Variants in ESRRG observed in about 807,000 individuals in gnomAD.
The protein encoded by ESRRG is estrogen related receptor gamma.
A neutral mutation model predicts 44.0 loss-of-function variants in ESRRG; 13 were observed. The observed-to-expected ratio is 0.30, with a 90% CI of 0.19 to 0.47. ESRRG has a LOEUF of 0.47. Ranked by LOEUF, ESRRG falls within the 20% of genes least tolerant of loss-of-function variation. ESRRG has a pLI of 1.00. For missense variants in ESRRG, 395 were observed against 580.6 expected (o/e 0.68, Z 3.29); for synonymous variants, 215 against 214.6 (o/e 1.00, Z -0.02).
intron 1 of ESRRG, among the ~76,000 whole-genome samples, chr1:217,008,372 A>G (rs1235316813): frequency 6.6e-6 from 1 of 152,240 alleles, no homozygotes; most frequent in Non-Finnish European, 1.5e-5. Flanking sequence ...TATATGCTCA[A>G]CGAAAGTATA....
intron 2 of ESRRG, among the ~76,000 whole-genome samples, chr1:216,759,779 T>A (rs966332464): frequency 1.3e-5 from 2 of 152,144 alleles, no homozygotes; most frequent in African/African-American, 4.8e-5. Flanking sequence ...TTGAAGAGAA[T>A]CTGAAGGTCA....
intron 1 of ESRRG, among the ~76,000 whole-genome samples, chr1:217,028,311 C>T (rs1193515258): frequency 1.3e-5 from 2 of 152,150 alleles, no homozygotes; most frequent in Non-Finnish European, 1.5e-5. Flanking sequence ...AGAAGATGCT[C>T]CTGCTGAAAA....
intron 1 of ESRRG, among the ~76,000 whole-genome samples, chr1:217,007,844 G>A (rs2077976057): frequency 6.6e-6 from 1 of 151,104 alleles, no homozygotes; most frequent in Admixed American, 6.6e-5. Flanking sequence ...CAAATAAGGG[G>A]GGAAAAATCC....
Position 217,137,065 on chromosome 1 carries a change from T to TG in ESRRG, c.-230+601dup, listed in dbSNP as rs560585665. ...CCGTGGGCCTAAAGCGACTAGTAGCTGGGGGGGAGGGAGCCGGAGGACAGT... is the reference window on the plus strand; with the variant it reads ...CCGTGGGCCTAAAGCGACTAGTAGCTGGGGGGGGAGGGAGCCGGAGGACAGT... On this transcript the variant is annotated intron_variant, in intron 1 of 8. Coordinates refer to the ESRRG transcript ENST00000366940. Among the ~76,000 whole-genome samples, 802 of 152,118 alleles carry TG rather than the reference T, an allele frequency of 5.3e-3. 7 individuals carry two copies. Among genetic ancestry groups the TG allele is most frequent in the Middle Eastern group, 0.034 (10 of 294 alleles).
At chr1:216,658,858 G>C (rs1397822244) in intron 2 of ESRRG, among the ~76,000 whole-genome samples, 1 of 27,142 alleles carries the variant, frequency 3.7e-5, no homozygotes, top group Non-Finnish European at 1.1e-4. Context: ...AAGAAGAGAA[G>C]AGAAGAGAAG....
intron 2 of ESRRG, among the ~76,000 whole-genome samples, chr1:216,741,156 A>G (rs900680916): frequency 6.7e-6 from 1 of 149,556 alleles, no homozygotes; most frequent in Non-Finnish European, 1.5e-5. Context: ...CAGAGGATTG[A>G]AAGCTCTTTG....
intron 5 of ESRRG, among the ~76,000 whole-genome samples, chr1:216,556,911 G>A (rs1010089718): frequency 1.3e-5 from 2 of 152,180 alleles, no homozygotes; most frequent in Non-Finnish European, 2.9e-5. Flanking sequence ...AAGGCAAGAA[G>A]GAGAGAGGAG....
intron 5 of ESRRG, among the ~76,000 whole-genome samples, chr1:216,552,717 A>C (rs1178969739): frequency 6.6e-6 from 1 of 152,146 alleles, no homozygotes; most frequent in African/African-American, 2.4e-5. Context: ...AAGGTCTAGC[A>C]AATTATCTCC....
intron 2 of ESRRG, among the ~76,000 whole-genome samples, chr1:216,758,798 CAA>C (rs1335916056): frequency 3.3e-5 from 5 of 151,826 alleles, no homozygotes. Context: ...TATGTACTCC[CAA>C]AAGAGTCTGA....
intron 3 of ESRRG, among the ~76,000 whole-genome samples, chr1:216,575,539 G>A (rs11572755): frequency 0.016 from 2,416 of 152,140 alleles, 77 homozygotes; most frequent in African/African-American, 0.055. Flanking sequence ...GCTAGGCAAC[G>A]GCTTAATGAC....
chr1:217,074,444 A>C (rs891868570), intron 1 of ESRRG, among the ~76,000 whole-genome samples: 213 of 102,402 alleles, frequency 2.1e-3, no homozygotes, highest in Middle Eastern at 4.8e-3. Flanking sequence ...TCAGAAATCC[A>C]CCCCCCCCAA....
chr1:216,540,154 CTT>C (rs1179474205), intron 5 of ESRRG, among the ~76,000 whole-genome samples: 3 of 151,912 alleles, frequency 2.0e-5, no homozygotes, highest in Admixed American at 6.6e-5. Flanking sequence ...AGCCTTCTCT[CTT>C]ATTAATATTT....
At position 217,026,912 on chromosome 1, in the gene ESRRG, C is replaced by CACACACACACAGAGAGAGAGAG. The variant is rs1255637839; in HGVS notation, c.-106+62594_-106+62595insCTCTCTCTCTCTGTGTGTGTGT. Among the ~76,000 whole-genome samples, 207 of 93,430 alleles carry CACACACACACAGAGAGAGAGAG rather than the reference C, an allele frequency of 2.2e-3. 1 individual carries two copies. The highest frequency in any genetic ancestry group is 5.5e-3 in the Middle Eastern group (1 of 182). 61.3% of individuals were successfully genotyped at this position (93,430 alleles called of 152,430 possible). On this transcript the variant is annotated intron_variant, in intron 1 of 7. Transcript: ENST00000359162. ...ATACACACACACACACACACACACA[C>CACACACACACAGAGAGAGAGAG]AGAGAGAGAGAGAGAGAGAGAGAGA...
chr1:216,720,358 G>A (rs1212868034), intron 1 of ESRRG, among the ~76,000 whole-genome samples: 2 of 151,940 alleles, frequency 1.3e-5, no homozygotes, highest in African/African-American at 2.4e-5. Flanking sequence ...AAGGCTGCAG[G>A]TGTTTTCAAG....
chr1:216,507,644 T>A (rs2148715219), intron 6 of ESRRG, among the ~76,000 whole-genome samples: 1 of 152,274 alleles, frequency 6.6e-6, no homozygotes, highest in East Asian at 1.9e-4. Flanking sequence ...GGGGAAAAAA[T>A]TGTTGACTAA....
intron 2 of ESRRG, among the ~76,000 whole-genome samples, chr1:216,917,370 T>C (rs1159453999): frequency 6.6e-6 from 1 of 152,090 alleles, no homozygotes; most frequent in Non-Finnish European, 1.5e-5. Flanking sequence ...GAGCAACCAA[T>C]GTAGCCAATT....
chr1:216,904,210 C>A (rs974703917), intron 2 of ESRRG, among the ~76,000 whole-genome samples: 1 of 151,590 alleles, frequency 6.6e-6, no homozygotes, highest in Non-Finnish European at 1.5e-5. Flanking sequence ...CATCACCCCC[C>A]CCAACTGATA....
chr1:216,757,237 G>T (rs1002705774), intron 2 of ESRRG, among the ~76,000 whole-genome samples: 1 of 151,938 alleles, frequency 6.6e-6, no homozygotes, highest in Non-Finnish European at 1.5e-5. Flanking sequence ...ATCTACTCTA[G>T]ATTAGTCCTG....
chr1:216,915,644 G>T (rs931061225), intron 2 of ESRRG, among the ~76,000 whole-genome samples: 5 of 152,104 alleles, frequency 3.3e-5, no homozygotes, highest in Admixed American at 3.3e-4. Context: ...AATCTGAACC[G>T]CTGTTACAGT....
Sources: allele counts gnomAD v4.1 joint callset (sites outside exome capture counted in the v4.1 genomes callset), GRCh38; gene constraint gnomAD v4.1.1; transcripts MANE v1.5; gene names NCBI Gene and HGNC (gene_info 2026-07-23, HGNC 2026-07-21).